Variants in RAB9B observed in about 807,000 individuals in gnomAD.
The protein encoded by RAB9B is ras-related protein Rab-9B.
Under a neutral mutation model 8.9 loss-of-function variants are expected in RAB9B, and 1 was observed. The ratio of observed to expected loss-of-function variants is 0.11; its 90% CI spans 0.04 to 0.53. The LOEUF is 0.53. Ranked by LOEUF, RAB9B falls within the 20% of genes least tolerant of loss-of-function variation. The pLI is 0.93. For synonymous variants in RAB9B, 63 were observed against 57.0 expected, an observed-to-expected ratio of 1.10 and a Z score of -0.47; for missense variants, 82 against 152.9, an observed-to-expected ratio of 0.54 and a Z score of 2.45.
chrX:103,809,695 A>G, the RAB9B span, among the ~76,000 whole-genome samples: 1 of 112,190 alleles, frequency 8.9e-6, no homozygotes, highest in South Asian at 3.7e-4. Flanking sequence ...TTGCCACCAG[A>G]GCAGCTAAGA....
chrX:103,786,373 C>T, the RAB9B span: 9 of 1,063,835 alleles, frequency 8.5e-6, no homozygotes, highest in African/African-American at 3.7e-5. Context: ...TTAAGGTGCT[C>T]GCTCTGGTGT....
At chrX:103,798,009 A>G in the RAB9B span, among the ~76,000 whole-genome samples, 5 of 111,199 alleles carry the variant, frequency 4.5e-5, no homozygotes, top group African/African-American at 1.6e-4. Context: ...CATCAGGATC[A>G]CCCGGGAGCT....
chrX:103,790,614 C>A, the RAB9B span: 7 of 1,154,644 alleles, frequency 6.1e-6, no homozygotes, highest in South Asian at 1.3e-4. Flanking sequence ...CGTAGAAATC[C>A]CCCTTTCTCT....
At chrX:103,804,736 C>T in the RAB9B span, among the ~76,000 whole-genome samples, 2 of 111,618 alleles carry the variant, frequency 1.8e-5, no homozygotes, top group Non-Finnish European at 3.8e-5. Flanking sequence ...AACTCTTGCA[C>T]TTTTTTGTCA....
the RAB9B span, among the ~76,000 whole-genome samples, chrX:103,802,214 G>C: frequency 8.5e-5 from 8 of 94,448 alleles, no homozygotes; most frequent in Non-Finnish European, 1.7e-4. Context: ...GAAAGAGAGA[G>C]AGAGACAGAG....
chrX:103,825,663 C>G lies in RAB9B; in HGVS notation c.122G>C (p.Gly41Ala). 1 of 1,210,924 alleles carries G rather than the reference C, an allele frequency of 8.3e-7. No homozygotes were observed. The highest frequency in any genetic ancestry group is 1.1e-6 in the Non-Finnish European group (1 of 895,013). The change falls in exon 3 of 3, where the codon GGG (glycine) becomes GCG (alanine). Residue 41 changes from glycine to alanine, a missense_variant. Coordinates refer to ENST00000243298, the MANE Select transcript of RAB9B (RefSeq NM_016370.4). ...KFDSQAFHTI[G>A]VEFLNRDLEV... ...CAGATCTCGATTTAAGAACTCTACC[C>G]CTATGGTGTGAAAAGCCTGGGAGTC...
intron 1 of RAB9B, 76 bp from the exon 2 acceptor site, chrX:103,827,154 A>G (rs1011956289): frequency 1.6e-4 from 17 of 109,511 alleles, no homozygotes; most frequent in Non-Finnish European, 3.2e-4. Flanking sequence ...ATAAAAATAT[A>G]TTCAAGTCAG....
Position 103,824,967 on chromosome X carries a change from G to A in RAB9B, c.*212C>T, listed in dbSNP as rs868162874. On this transcript the variant is annotated 3_prime_UTR_variant, in exon 3 of 3. Coordinates refer to ENST00000243298, the MANE Select transcript of RAB9B (RefSeq NM_016370.4). ...AAGAAGGGGAAATAGCAGAAATCAC[G>A]CAAAATACACTTGGCTTGATAGAGC... 11 of 349,915 alleles carry A rather than the reference G, an allele frequency of 3.1e-5. No homozygotes were observed. The South Asian group carries it at 3.3e-4, about 10-fold the overall frequency. 28.8% of individuals were successfully genotyped at this position (349,915 alleles called of 1,213,427 possible).
chrX:103,785,566 C>A, the RAB9B span: 15 of 1,202,238 alleles, frequency 1.2e-5, no homozygotes, highest in Non-Finnish European at 1.7e-5. Context: ...GACTGTTTCC[C>A]CTTCTTCTTC....
At chrX:103,779,305 C>T in the RAB9B span, among the ~76,000 whole-genome samples, 1 of 112,360 alleles carries the variant, frequency 8.9e-6, no homozygotes, top group Non-Finnish European at 1.9e-5. Flanking sequence ...TGTGATGCCT[C>T]CATCCAAAAG....
rs777348859 is a variant in RAB9B at position 103,825,624 on chromosome X, C to T, written c.161G>A (p.Arg54His). 8.3e-7 allele frequency: 1 copy of T among 1,210,326 alleles called. No individual in the cohort carries two copies. The highest frequency in any genetic ancestry group is 1.1e-6 in the Non-Finnish European group (1 of 894,355). ...FLNRDLEVDGRFVTLQIWDTA... is the reference protein window; with the variant it reads ...FLNRDLEVDGHFVTLQIWDTA... The stretch of plus-strand genomic sequence containing the variant: ...GTCCCAGATCTGGAGGGTTACAAAG[C>T]GTCCATCTACCTCCAGATCTCGATT... The change falls in exon 3 of 3, where the codon CGC (arginine) becomes CAC (histidine). Residue 54 changes from arginine to histidine, a missense_variant. Physicochemically the swap from Arg to His is conservative, Grantham distance 29 (BLOSUM62 0). Coordinates refer to ENST00000243298, the MANE Select transcript of RAB9B (RefSeq NM_016370.4).
the RAB9B span, among the ~76,000 whole-genome samples, chrX:103,798,789 T>G: frequency 1.8e-3 from 200 of 108,698 alleles, 2 homozygotes; most frequent in East Asian, 0.021. Context: ...ATTACAGGCA[T>G]GCATCACCAC....
the RAB9B span, chrX:103,776,905 G>T: frequency 1.2e-6 from 1 of 863,233 alleles, no homozygotes; most frequent in East Asian, 3.1e-5. Flanking sequence ...GAAGAAGGAG[G>T]CTGGAGAGAC....
At chrX:103,790,949 G>C in the RAB9B span, 2 of 261,527 alleles carry the variant, frequency 7.6e-6, no homozygotes, top group Non-Finnish European at 1.4e-5. Flanking sequence ...TACTTCCACT[G>C]ATGGAAACAA....
the RAB9B span, chrX:103,785,894 T>C: frequency 1.3e-6 from 1 of 750,646 alleles, no homozygotes; most frequent in East Asian, 3.2e-5. Context: ...GATTCCCGAG[T>C]CTTCCCTCTG....
At chrX:103,826,235 G>A (rs1180592791) in intron 2 of RAB9B, among the ~76,000 whole-genome samples, 3 of 111,899 alleles carry the variant, frequency 2.7e-5, no homozygotes, top group African/African-American at 9.7e-5. Context: ...TGCTCCTGAT[G>A]GATACAAAAA....
At chrX:103,801,054 C>G in the RAB9B span, among the ~76,000 whole-genome samples, 106 of 111,605 alleles carry the variant, frequency 9.5e-4, 1 homozygote, top group African/African-American at 3.2e-3. Context: ...TGCTTTAAAA[C>G]AGGGTTACCA....
chrX:103,776,963 G>A, the RAB9B span: 39 of 1,198,872 alleles, frequency 3.3e-5, no homozygotes, highest in Non-Finnish European at 4.3e-5. Flanking sequence ...AGACTAGCCA[G>A]CCGGCTACAA....
chrX:103,787,184 G>T, the RAB9B span, among the ~76,000 whole-genome samples: 1 of 111,645 alleles, frequency 9.0e-6, no homozygotes, highest in Non-Finnish European at 1.9e-5. Flanking sequence ...ATCCTGCACA[G>T]TTCGAGGTCC....
Sources: allele counts gnomAD v4.1 joint callset (sites outside exome capture counted in the v4.1 genomes callset), GRCh38; gene constraint gnomAD v4.1.1; transcripts MANE v1.5; gene names NCBI Gene and HGNC (gene_info 2026-07-23, HGNC 2026-07-21).